CEP135: variants seen among roughly 807,000 people sequenced by gnomAD.
The protein encoded by CEP135 is centrosomal protein of 135 kDa.
In CEP135, 142 loss-of-function variants were observed where a neutral mutation model predicts 157.3. The ratio of observed to expected loss-of-function variants is 0.90; its 90% confidence interval spans 0.79 to 1.04. CEP135 has a LOEUF of 1.04. CEP135 is among the 50% of genes least tolerant of loss of function. The pLI is 0.00. For missense variants in CEP135, 1,317 were observed against 1,309.2 expected (o/e 1.01, Z -0.09); for synonymous variants, 396 against 439.8 (o/e 0.90, Z 1.25).
At chr4:55,963,179 T>C (rs1483326390) in intron 6 of CEP135, among the ~76,000 whole-genome samples, 1 of 152,256 alleles carries the variant, frequency 6.6e-6, no homozygotes, top group East Asian at 1.9e-4. Flanking sequence ...TTCTGTTCTA[T>C]CCTCTACCAC....
intron 11 of CEP135, among the ~76,000 whole-genome samples, chr4:55,977,236 T>C (rs955266003): frequency 6.6e-6 from 1 of 152,166 alleles, no homozygotes; most frequent in African/African-American, 2.4e-5. Flanking sequence ...TGGCAGACTG[T>C]TAGGCACAGT....
At chr4:56,002,535 G>A (rs138571792) in intron 17 of CEP135, among the ~76,000 whole-genome samples, 14 of 152,030 alleles carry the variant, frequency 9.2e-5, no homozygotes, top group African/African-American at 3.4e-4. Context: ...CACATTTATT[G>A]ATTGTGCATG....
At chr4:55,978,361 A>G (rs1009466857) in intron 11 of CEP135, among the ~76,000 whole-genome samples, 1 of 152,246 alleles carries the variant, frequency 6.6e-6, no homozygotes, top group African/African-American at 2.4e-5. Context: ...TGAAGAAAGT[A>G]CAGAAAATAT....
intron 13 of CEP135, among the ~76,000 whole-genome samples, chr4:55,984,902 A>G (rs954874413): frequency 3.9e-5 from 6 of 151,942 alleles, no homozygotes; most frequent in East Asian, 1.9e-4. Context: ...CTTCCTTTGC[A>G]TTTTGTTTCT....
At chr4:55,956,358 A>G (rs894927572) in intron 4 of CEP135, among the ~76,000 whole-genome samples, 1 of 152,204 alleles carries the variant, frequency 6.6e-6, no homozygotes, top group Non-Finnish European at 1.5e-5. Context: ...TTTGACCAAG[A>G]CAAGATATAT....
rs371543566 is a variant in CEP135 at position 56,010,410 on chromosome 4, AAACACATAGCTTAGAATGCTGCTAT to A, written c.2505+509_2505+533del. On this transcript the variant is annotated intron_variant, in intron 19 of 25. Transcript: ENST00000257287. ...ACAGCGTGAGACTCTGTCAAAAAAA[AAACACATAGCTTAGAATGCTGCTAT>A]ATATCACAGGGTGTCTAATGGGTGC... is the stretch of plus-strand genomic sequence containing the variant. Among the ~76,000 whole-genome samples, 1,010 of 152,196 alleles carry A rather than the reference AAACACATAGCTTAGAATGCTGCTAT, an allele frequency of 6.6e-3. 11 individuals are homozygous for A. Among genetic ancestry groups the A allele is most frequent in the African/African-American group, 0.023 (957 of 41,508 alleles).
chr4:56,006,494 G>C (rs1730349831), intron 17 of CEP135, among the ~76,000 whole-genome samples: 1 of 152,170 alleles, frequency 6.6e-6, no homozygotes, highest in African/African-American at 2.4e-5. Flanking sequence ...ATGTGCACCT[G>C]TGGTTCCAAC....
At chr4:55,957,424 T>C in intron 5 of CEP135, 60 bp downstream of exon 5, 1 of 1,533,880 alleles carries the variant, frequency 6.5e-7, no homozygotes, top group Admixed American at 2.0e-5. Flanking sequence ...GCTGTAAGTT[T>C]CTTGATAGGA....
intron 13 of CEP135, among the ~76,000 whole-genome samples, chr4:55,982,770 A>G (rs530065737): frequency 1.3e-5 from 2 of 152,150 alleles, no homozygotes; most frequent in Non-Finnish European, 2.9e-5. Context: ...TAATTTGGAT[A>G]AAGTCCAATT....
chr4:55,984,303 C>T (rs1053402936), intron 13 of CEP135, among the ~76,000 whole-genome samples: 2 of 152,202 alleles, frequency 1.3e-5, no homozygotes, highest in African/African-American at 4.8e-5. Context: ...TCACATCTTC[C>T]ACTCTTCTTG....
In CEP135 at chr4:55,999,518, A is replaced by G; in HGVS notation, c.2153A>G (p.Gln718Arg). Residue 718 changes from glutamine (Q) to arginine (R), a missense_variant, in exon 17 of 26, where the codon CAG becomes CGG. Gln to Arg is a conservative substitution (Grantham distance 43). Coordinates refer to ENST00000257287, the MANE Select transcript of CEP135 (RefSeq NM_025009.5). ...GAACTAAACCTTAAGATGACTTCAC[A>G]GGATGAGGAGGCTCATGTAATGAAA... ...IDELNLKMTS[Q>R]DEEAHVMKKT... is the part of the protein sequence containing the mutation. 6.2e-7 allele frequency: 1 copy of G among 1,610,384 alleles called. No individual in the cohort carries two copies. Among genetic ancestry groups the G allele is most frequent in the Non-Finnish European group, 8.5e-7 (1 of 1,179,244 alleles).
intron 14 of CEP135, among the ~76,000 whole-genome samples, chr4:55,989,149 T>G (rs993647712): frequency 6.6e-6 from 1 of 152,118 alleles, no homozygotes; most frequent in African/African-American, 2.4e-5. Flanking sequence ...AGGAAAAAAT[T>G]GGATCCTAAC....
At chr4:56,008,285 C>G (rs772212763) in intron 17 of CEP135, 42 bp from the exon 18 acceptor site, 1 of 1,398,950 alleles carries the variant, frequency 7.1e-7, no homozygotes, top group South Asian at 1.2e-5. Context: ...TAGCTAAAGA[C>G]ATTTTGGTTT....
At chr4:55,980,408 A>G in intron 12 of CEP135, 113 bp downstream of exon 12, 1 of 604,364 alleles carries the variant, frequency 1.7e-6, no homozygotes, top group East Asian at 3.3e-5. Flanking sequence ...ATATTTCTTC[A>G]TAATTAAAAT....
At chr4:55,959,548 C>T in intron 5 of CEP135, 134 bp from the exon 6 acceptor site, 1 of 709,076 alleles carries the variant, frequency 1.4e-6, no homozygotes, top group Non-Finnish European at 2.4e-6. Context: ...GATTTGGGGA[C>T]CCTTTGGCAC....
At chr4:56,020,109 G>A (rs1006675677) in intron 23 of CEP135, among the ~76,000 whole-genome samples, 1 of 152,160 alleles carries the variant, frequency 6.6e-6, no homozygotes, top group African/African-American at 2.4e-5. Context: ...TTGAGGAATG[G>A]ACAGAGGAGT....
At chr4:55,986,791 A>G (rs1438772495) in intron 14 of CEP135, among the ~76,000 whole-genome samples, 1 of 152,078 alleles carries the variant, frequency 6.6e-6, no homozygotes, top group African/African-American at 2.4e-5. Flanking sequence ...TAGTTTGTCA[A>G]CCTTTGATGT....
rs1403524530 is a variant in CEP135, at chr4:56,032,561, C to G, written c.*1213C>G. ...TCTAAGCCTGTGTGTTATAATTTACCAGTTCCCCAAAATGCCATTTTTAAC... is the reference window on the plus strand; with the variant it reads ...TCTAAGCCTGTGTGTTATAATTTACGAGTTCCCCAAAATGCCATTTTTAAC... On this transcript the variant is annotated 3_prime_UTR_variant, in exon 26 of 26. Coordinates refer to ENST00000257287, the MANE Select transcript of CEP135 (RefSeq NM_025009.5). 1 of 151,922 alleles carries G rather than the reference C, an allele frequency of 6.6e-6. No homozygotes were observed. Among genetic ancestry groups the G allele is most frequent in the Non-Finnish European group, 1.5e-5 (1 of 67,984 alleles). 9.4% of individuals were successfully genotyped at this position (151,922 alleles called of 1,614,324 possible).
At chr4:55,966,815 T>C (rs1728858912) in intron 8 of CEP135, among the ~76,000 whole-genome samples, 1 of 152,218 alleles carries the variant, frequency 6.6e-6, no homozygotes, top group South Asian at 2.1e-4. Flanking sequence ...TTTTTAAAAC[T>C]GTGTATGTCC....
Sources: gnomAD v4.1 joint callset for allele counts (sites outside exome capture counted in the v4.1 genomes callset) on GRCh38, gnomAD v4.1.1 for gene constraint, MANE v1.5 for transcripts, NCBI Gene and HGNC (gene_info 2026-07-23, HGNC 2026-07-21) for gene names.